The following TMOD2 variants were observed in gnomAD, a reference collection of about 807,000 sequenced individuals.
The protein encoded by TMOD2 is tropomodulin-2.
A neutral mutation model predicts 39.9 loss-of-function variants in TMOD2; 22 were observed. The observed-to-expected ratio is 0.55, with a 90% CI of 0.39 to 0.79. The LOEUF (loss-of-function observed/expected upper bound fraction) is 0.79. TMOD2 is among the 30% of genes least tolerant of loss of function. TMOD2 has a pLI of 0.00. For missense variants in TMOD2, 386 were observed against 413.3 expected, an observed-to-expected ratio of 0.93 and a Z score of 0.57; for synonymous variants, 123 against 146.1, an observed-to-expected ratio of 0.84 and a Z score of 1.14.
At chr15:51,752,614 CT>C (rs918602474) in intron 1 of TMOD2, 1 of 152,212 alleles carries the variant, frequency 6.6e-6, no homozygotes, top group Non-Finnish European at 1.5e-5. Context: ...GTCCCTCCAC[CT>C]CTCTGGGCCT....
At chr15:51,789,375 C>T (rs962419785) in intron 7 of TMOD2, among the ~76,000 whole-genome samples, 4 of 152,112 alleles carry the variant, frequency 2.6e-5, no homozygotes, top group Non-Finnish European at 4.4e-5. Flanking sequence ...TCTTAGAGAC[C>T]TACAAAGAGA....
Position 51,790,012 on chromosome 15 carries a change from A to G in TMOD2, c.732+7184A>G, listed in dbSNP as rs142402408. On this transcript the variant is annotated intron_variant, in intron 7 of 9. Coordinates refer to ENST00000249700, the MANE Select transcript of TMOD2 (RefSeq NM_014548.4). The stretch of plus-strand genomic sequence containing the variant: ...GAAAACAAGAAATAACTAAGATCAG[A>G]GAAGAACTGAAGGAGATAGAGACAC... Among the ~76,000 whole-genome samples the G allele has an allele frequency of 7.8e-3, 1,194 of 152,324 alleles. 19 individuals are homozygous for G. The highest frequency in any genetic ancestry group is 0.027 in the African/African-American group (1,137 of 41,568).
intron 5 of TMOD2, among the ~76,000 whole-genome samples, chr15:51,778,131 T>TA (rs2055901685): frequency 1.3e-5 from 2 of 151,420 alleles, no homozygotes; most frequent in Non-Finnish European, 2.9e-5. Context: ...ATGTGGCACA[T>TA]ATACACCATG....
chr15:51,801,235 TCTCACACA>T (rs1383694390), intron 8 of TMOD2, among the ~76,000 whole-genome samples: 23 of 108,978 alleles, frequency 2.1e-4, no homozygotes, highest in African/African-American at 3.9e-4. Flanking sequence ...TCTCTCTCTC[TCTCACACA>T]CACACACACA....
intron 1 of TMOD2, among the ~76,000 whole-genome samples, chr15:51,754,387 A>C (rs1418066894): frequency 6.6e-6 from 1 of 152,198 alleles, no homozygotes. Flanking sequence ...AATCATATAC[A>C]ACCAAATGTT....
chr15:51,757,991 G>T (rs1213506193), intron 1 of TMOD2, among the ~76,000 whole-genome samples: 1 of 152,006 alleles, frequency 6.6e-6, no homozygotes, highest in Non-Finnish European at 1.5e-5. Flanking sequence ...GAGGCAAGAG[G>T]TTCACTTAAG....
chr15:51,797,445 A>G (rs1453437004), intron 7 of TMOD2, among the ~76,000 whole-genome samples: 2 of 152,240 alleles, frequency 1.3e-5, no homozygotes, highest in Non-Finnish European at 2.9e-5. Context: ...AGCTCAGGCA[A>G]CAACTTGCTT....
intron 9 of TMOD2, among the ~76,000 whole-genome samples, chr15:51,807,748 CTTT>C (rs1450029628): frequency 1.3e-5 from 2 of 152,164 alleles, no homozygotes; most frequent in Non-Finnish European, 2.9e-5. Flanking sequence ...GCCAGGGCAC[CTTT>C]TTGCCAAATC....
chr15:51,798,197 G>A lies in TMOD2; in HGVS notation c.733G>A (p.Ala245Thr). The stretch of plus-strand genomic sequence containing the variant: ...GTTTTTTTTCTTTTTGCATCATAAG[G>A]CTTTTGCAGACATGCTGAAAGTAAA... Reference protein sequence around the residue: ...ATRSNDPVAIAFADMLKVNKT... With the variant: ...ATRSNDPVAITFADMLKVNKT... Residue 245 changes from alanine to threonine, a missense_variant and splice_region_variant, in exon 8 of 10, where the codon GCT becomes ACT. Ala to Thr is a moderately conservative substitution (Grantham distance 58, BLOSUM62 0). Coordinates refer to ENST00000249700, the MANE Select transcript of TMOD2 (RefSeq NM_014548.4). 5.7e-6 allele frequency: 9 copies of A among 1,590,412 alleles called. No individual in the cohort carries two copies. Among genetic ancestry groups the A allele is most frequent in the Non-Finnish European group, 6.8e-6 (8 of 1,173,496 alleles).
At position 51,798,266 on chromosome 15, in the gene TMOD2, G is replaced by A; in HGVS notation, c.802G>A (p.Gly268Arg). The A allele has an allele frequency of 6.2e-7, 1 of 1,613,802 alleles. No individual in the cohort carries two copies. The highest frequency in any genetic ancestry group is 2.2e-5 in the East Asian group (1 of 44,854). Reference sequence around the variant, plus strand: ...AAACATAGAATCCAATTTTATCACTGGAACTGGGATCCTGGCCCTGGTAGA... The same window carrying A: ...AAACATAGAATCCAATTTTATCACTAGAACTGGGATCCTGGCCCTGGTAGA... Reference protein sequence around the residue: ...SLNIESNFITGTGILALVEAL... With the variant: ...SLNIESNFITRTGILALVEAL... Residue 268 changes from glycine (G) to arginine (R), a missense_variant, in exon 8 of 10, where the codon GGA becomes AGA. Physicochemically the swap from Gly to Arg is moderately radical, Grantham distance 125 (BLOSUM62 -2). Transcript: ENST00000249700.
At chr15:51,778,993 G>T (rs1331480992) in intron 5 of TMOD2, among the ~76,000 whole-genome samples, 32 of 152,072 alleles carry the variant, frequency 2.1e-4, no homozygotes, top group Admixed American at 2.1e-3. Flanking sequence ...GGCTTGCTCT[G>T]TTGCCCAGGC....
intron 3 of TMOD2, among the ~76,000 whole-genome samples, chr15:51,770,139 A>G (rs879418280): frequency 5.9e-5 from 9 of 152,306 alleles, no homozygotes; most frequent in African/African-American, 1.9e-4. Flanking sequence ...CTCTACCTGC[A>G]TCTGGCCTTC....
chr15:51,756,313 A>C (rs1269889945), intron 1 of TMOD2: 2 of 152,178 alleles, frequency 1.3e-5, no homozygotes, highest in Non-Finnish European at 2.9e-5. Context: ...TATTCAGCAG[A>C]TCTTGATGGG....
chr15:51,773,606 T>C, intron 3 of TMOD2, 106 bp from the exon 4 acceptor site: 1 of 1,187,736 alleles, frequency 8.4e-7, no homozygotes, highest in Non-Finnish European at 1.2e-6. Context: ...TGAACTGGCT[T>C]AATTATATGG....
At chr15:51,790,074 G>T (rs113365440) in intron 7 of TMOD2, among the ~76,000 whole-genome samples, 1 of 152,084 alleles carries the variant, frequency 6.6e-6, no homozygotes, top group Non-Finnish European at 1.5e-5. Context: ...TCCAGGAGCT[G>T]GTTTTTTGAA....
Position 51,811,413 on chromosome 15 carries a change from T to C in TMOD2, c.*2959T>C, listed in dbSNP as rs1483087968. ...GCCTATCTCCCTCCCCCTTTTAGAG[T>C]TGTGCAGGTCCACTTTAAGTGTAAA... On this transcript the variant is annotated 3_prime_UTR_variant, in exon 10 of 10. Coordinates refer to ENST00000249700, the MANE Select transcript of TMOD2 (RefSeq NM_014548.4). The C allele has an allele frequency of 6.6e-6, 1 of 152,122 alleles. No individual in the cohort carries two copies. The highest frequency in any genetic ancestry group is 6.5e-5 in the Admixed American group (1 of 15,268). 9.4% of individuals were successfully genotyped at this position (152,122 alleles called of 1,614,324 possible). A position where few individuals can be genotyped will look rare whatever the true frequency, so the allele number is the denominator to read the frequency against.
Position 51,776,910 on chromosome 15 carries a change from C to G in TMOD2, c.407-22C>G, listed in dbSNP as rs1169745054. On this transcript the variant is annotated intron_variant, in intron 4 of 9. Transcript: ENST00000249700. ...CTAATGTGCTTCTCCAAACTTAATG[C>G]TCATTTGTTGACTGTTTTTAGCTGT... 4 of 1,603,036 alleles carry G rather than the reference C, an allele frequency of 2.5e-6. No individual in the cohort carries two copies. The South Asian group carries it at 3.3e-5, about 13-fold the overall frequency.
intron 3 of TMOD2, among the ~76,000 whole-genome samples, chr15:51,771,076 C>G (rs1474008015): frequency 6.6e-6 from 1 of 152,164 alleles, no homozygotes; most frequent in Non-Finnish European, 1.5e-5. Context: ...CAAGATTAAT[C>G]TCCAGATGGT....
chr15:51,782,495 A>G (rs1428796514), intron 6 of TMOD2, among the ~76,000 whole-genome samples: 10 of 142,846 alleles, frequency 7.0e-5, no homozygotes, highest in Non-Finnish European at 1.5e-4. Context: ...CAGAAAGACG[A>G]CACTCAGAGG....
Sources: gnomAD v4.1 joint callset for allele counts (sites outside exome capture counted in the v4.1 genomes callset) on GRCh38, gnomAD v4.1.1 for gene constraint, MANE v1.5 for transcripts, NCBI Gene and HGNC (gene_info 2026-07-23, HGNC 2026-07-21) for gene names.